The following CORO2B variants were observed in gnomAD, a reference collection of about 807,000 sequenced individuals.
CORO2B encodes the protein coronin 2B, also known as coronin-2B.
In CORO2B, 26 loss-of-function variants were observed where a neutral mutation model predicts 58.8. The ratio of observed to expected loss-of-function variants is 0.44; its 90% CI spans 0.32 to 0.61. CORO2B has a LOEUF of 0.61. CORO2B is among the 20% of genes least tolerant of loss of function. CORO2B has a pLI of 0.04. For missense variants in CORO2B, 460 were observed against 645.1 expected, an observed-to-expected ratio of 0.71 and a Z score of 3.11; for synonymous variants, 242 against 253.8, an observed-to-expected ratio of 0.95 and a Z score of 0.44.
intron 1 of CORO2B, among the ~76,000 whole-genome samples, chr15:68,636,439 C>T (rs1443307843): frequency 6.6e-6 from 1 of 152,150 alleles, no homozygotes; most frequent in East Asian, 1.9e-4. Flanking sequence ...ATGCATGCTG[C>T]GTATCCTCCC....
chr15:68,578,082 A>C (rs1298370589), upstream of CORO2B, among the ~76,000 whole-genome samples: 2 of 151,540 alleles, frequency 1.3e-5, no homozygotes, highest in African/African-American at 4.9e-5. The surrounding 1 kb of genome is among the most constrained non-coding windows in gnomAD (Gnocchi z 4.2). Flanking sequence ...TGGGAGGGAG[A>C]CTCCTTTCTC....
At chr15:68,666,726 T>C (rs1229570739) in intron 2 of CORO2B, among the ~76,000 whole-genome samples, 1 of 151,662 alleles carries the variant, frequency 6.6e-6, no homozygotes, top group East Asian at 1.9e-4. Context: ...GCCAAGGGAG[T>C]TTTGTGCCTC....
chr15:68,587,443 G>C (rs764354962), intron 1 of CORO2B, among the ~76,000 whole-genome samples: 44 of 152,140 alleles, frequency 2.9e-4, no homozygotes, highest in Admixed American at 9.8e-4. Context: ...ATTTAACTCC[G>C]GAGATGTCTG....
rs1893331922 is a variant in CORO2B at position 68,727,505 on chromosome 15, A to G, written c.*1531A>G. 6.6e-6 allele frequency: 1 copy of G among 152,216 alleles called. No homozygotes were observed. The highest frequency in any genetic ancestry group is 6.5e-5 in the Admixed American group (1 of 15,272). The allele number at this position is 152,216 out of a possible 1,614,324, so 9.4% of individuals were successfully genotyped here. A position where few individuals can be genotyped will look rare whatever the true frequency, so the allele number is the denominator to read the frequency against. On this transcript the variant is annotated 3_prime_UTR_variant, in exon 12 of 12. Coordinates refer to ENST00000261861, the MANE Select transcript of CORO2B (RefSeq NM_006091.5). Reference sequence around the variant, plus strand: ...TTAGCTAGGATCTACTAGATGCATTATACTCCATACCTGCTTTTCCCATGG... The same window carrying G: ...TTAGCTAGGATCTACTAGATGCATTGTACTCCATACCTGCTTTTCCCATGG...
chr15:68,641,288 A>C (rs1213272509), intron 1 of CORO2B, among the ~76,000 whole-genome samples: 1 of 152,214 alleles, frequency 6.6e-6, no homozygotes, highest in African/African-American at 2.4e-5. Flanking sequence ...AGGATGCAGC[A>C]TCCAGCTCAG....
At chr15:68,620,298 A>G (rs1900482015) in intron 1 of CORO2B, among the ~76,000 whole-genome samples, 1 of 152,238 alleles carries the variant, frequency 6.6e-6, no homozygotes, top group East Asian at 1.9e-4. Flanking sequence ...ATTGCTTAGA[A>G]TGATGTTTGT....
intron 8 of CORO2B, among the ~76,000 whole-genome samples, chr15:68,715,617 G>A (rs1032957962): frequency 6.6e-6 from 1 of 152,202 alleles, no homozygotes; most frequent in Non-Finnish European, 1.5e-5. Flanking sequence ...GGTGGGAAGT[G>A]GTCCCGTAAC....
intron 3 of CORO2B, among the ~76,000 whole-genome samples, chr15:68,703,579 C>T (rs1409123062): frequency 6.6e-6 from 1 of 152,160 alleles, no homozygotes; most frequent in Non-Finnish European, 1.5e-5. Flanking sequence ...CCATGGTGAA[C>T]TCCAACTCCT....
intron 11 of CORO2B, among the ~76,000 whole-genome samples, chr15:68,720,828 G>C (rs1362378539): frequency 1.3e-5 from 2 of 152,186 alleles, no homozygotes; most frequent in Non-Finnish European, 2.9e-5. Context: ...CATGCTTGAG[G>C]AGAGGGGATA....
At chr15:68,721,317 G>A (rs961372988) in intron 11 of CORO2B, among the ~76,000 whole-genome samples, 1 of 152,176 alleles carries the variant, frequency 6.6e-6, no homozygotes, top group Non-Finnish European at 1.5e-5. Flanking sequence ...GATATTCAGG[G>A]CTAGATGAAA....
the CORO2B span, among the ~76,000 whole-genome samples, chr15:68,562,278 C>A: frequency 6.6e-6 from 1 of 152,142 alleles, no homozygotes; most frequent in Non-Finnish European, 1.5e-5. Flanking sequence ...AAAGGCCTGG[C>A]TACCCTAGCA....
intron 2 of CORO2B, among the ~76,000 whole-genome samples, chr15:68,673,838 A>T (rs1902485444): frequency 1.1e-4 from 2 of 18,678 alleles, no homozygotes; most frequent in Admixed American, 1.6e-3. Context: ...CTCCGTCTAA[A>T]AAAAAAAAAA....
At chr15:68,564,908 T>C in the CORO2B span, among the ~76,000 whole-genome samples, 2 of 152,208 alleles carry the variant, frequency 1.3e-5, no homozygotes, top group African/African-American at 4.8e-5. Flanking sequence ...AAAACCACTA[T>C]GACTGATCCT....
chr15:68,706,424 G>A (rs550597775), intron 3 of CORO2B, among the ~76,000 whole-genome samples: 3 of 152,218 alleles, frequency 2.0e-5, no homozygotes, highest in Non-Finnish European at 2.9e-5. Context: ...TCAAGAGCAG[G>A]CATGGGCAAG....
Position 68,718,807 on chromosome 15 carries a change from G to T in CORO2B, c.1077G>T (p.Arg359=), listed in dbSNP as rs756140086. The change falls in exon 9 of 12, where the codon CGG becomes CGT. Residue 359 remains arginine, a synonymous_variant. Coordinates refer to ENST00000261861, the MANE Select transcript of CORO2B (RefSeq NM_006091.5). ...LIEPISMIVP[R]RSDSYQEDIY... is the part of the protein sequence containing the mutation. ...AGCCCATCTCCATGATCGTGCCCCG[G>T]AGGGTAAGTGGGGCTGGGCTGGGCT... 1.2e-6 allele frequency: 2 copies of T among 1,612,992 alleles called. No individual in the cohort carries two copies. The highest frequency in any genetic ancestry group is 2.7e-5 in the African/African-American group (2 of 74,914).
At chr15:68,555,631 TAGG>T in the CORO2B span, among the ~76,000 whole-genome samples, 1 of 152,222 alleles carries the variant, frequency 6.6e-6, no homozygotes, top group Non-Finnish European at 1.5e-5. Flanking sequence ...GAAGTGGTGG[TAGG>T]AGATTTCCGT....
At chr15:68,661,599 G>A (rs1362627374) in intron 2 of CORO2B, among the ~76,000 whole-genome samples, 1 of 152,202 alleles carries the variant, frequency 6.6e-6, no homozygotes, top group African/African-American at 2.4e-5. Flanking sequence ...GCACAAAACA[G>A]TAGAGTTAGC....
In CORO2B at chr15:68,725,951, C is replaced by T. The variant is rs546189688; in HGVS notation, c.1420C>T (p.Arg474Cys). 22 of 1,613,856 alleles carry T rather than the reference C, an allele frequency of 1.4e-5. No individual in the cohort carries two copies. Among genetic ancestry groups the T allele is most frequent in the Middle Eastern group, 1.6e-4 (1 of 6,062 alleles). Residue 474 changes from arginine to cysteine, a missense_variant, in exon 12 of 12, where the codon CGC (arginine) becomes TGC (cysteine). Physicochemically the swap from Arg to Cys is radical, Grantham distance 180. This residue lies in a region of CORO2B where 108 missense variants were observed against 102.1 expected (regional missense o/e 1.06). Coordinates refer to ENST00000261861, the MANE Select transcript of CORO2B (RefSeq NM_006091.5). Reference sequence around the variant, plus strand: ...GCTCCAGCTGGAACTGAAAAACTTGCGCAACAGCCCCAAGAACTGTTAGCT... The same window carrying T: ...GCTCCAGCTGGAACTGAAAAACTTGTGCAACAGCCCCAAGAACTGTTAGCT... ...RQLQLELKNL[R>C]NSPKNC is the part of the protein sequence containing the mutation.
chr15:68,634,085 CAGCCT>C (rs1566990814), intron 1 of CORO2B, among the ~76,000 whole-genome samples: 5 of 152,370 alleles, frequency 3.3e-5, no homozygotes, highest in African/African-American at 1.2e-4. Context: ...GACTATGAAA[CAGCCT>C]TTTAAAAAAG....
Sources: gnomAD v4.1 joint callset for allele counts (sites outside exome capture counted in the v4.1 genomes callset) on GRCh38, gnomAD v4.1.1 for gene constraint, gnomAD v4.1.1 regional missense constraint, Gnocchi (gnomAD v3.1) non-coding constraint, MANE v1.5 for transcripts, NCBI Gene and HGNC (gene_info 2026-07-23, HGNC 2026-07-21) for gene names.